The following ZSCAN25 variants were observed in gnomAD, a reference collection of about 807,000 sequenced individuals.
ZSCAN25 encodes zinc finger and SCAN domain-containing protein 25.
A neutral mutation model predicts 38.7 loss-of-function variants in ZSCAN25; 27 were observed. The ratio of observed to expected loss-of-function variants is 0.70; its 90% confidence interval spans 0.51 to 0.96. ZSCAN25 has a LOEUF of 0.96. Among genes scored for constraint, ZSCAN25 ranks in the 40% least tolerant of loss-of-function variants. The pLI is 0.00. For missense variants in ZSCAN25, 637 were observed against 705.9 expected (o/e 0.90, Z 1.11); for synonymous variants, 273 against 277.7 (o/e 0.98, Z 0.17).
chr7:99,734,041 T>G, the ZSCAN25 span, among the ~76,000 whole-genome samples: 3 of 152,244 alleles, frequency 2.0e-5, no homozygotes, highest in South Asian at 6.2e-4. Flanking sequence ...CTTTTATCAC[T>G]CAGAAGGAAC....
the ZSCAN25 span, among the ~76,000 whole-genome samples, chr7:99,716,830 A>G: frequency 8.5e-5 from 13 of 152,280 alleles, no homozygotes; most frequent in African/African-American, 3.1e-4. Context: ...AACAGATACC[A>G]AGTGCCTTCC....
the ZSCAN25 span, among the ~76,000 whole-genome samples, chr7:99,703,775 A>G: frequency 4.6e-5 from 7 of 151,968 alleles, no homozygotes; most frequent in Non-Finnish European, 8.8e-5. Flanking sequence ...TGCCCTCCTG[A>G]CCTCACATGG....
chr7:99,722,169 C>A, the ZSCAN25 span: 716 of 1,175,666 alleles, frequency 6.1e-4, 4 homozygotes, highest in African/African-American at 0.01. Flanking sequence ...CAGAAAACCT[C>A]TCTGTTTGTA....
the ZSCAN25 span, among the ~76,000 whole-genome samples, chr7:99,692,568 A>T: frequency 6.6e-6 from 1 of 152,046 alleles, no homozygotes; most frequent in Non-Finnish European, 1.5e-5. Context: ...ACATAGTCCC[A>T]TATTTCTTGG....
At chr7:99,680,067 C>A in the ZSCAN25 span, 6 of 624,612 alleles carry the variant, frequency 9.6e-6, no homozygotes, top group African/African-American at 1.1e-4. Flanking sequence ...CAGCCAATAG[C>A]AAAGAATCGC....
chr7:99,674,594 G>A, the ZSCAN25 span: 1 of 1,610,944 alleles, frequency 6.2e-7, no homozygotes, highest in Admixed American at 1.7e-5. Flanking sequence ...CCCTGGGAGA[G>A]GAAACAAAAT....
chr7:99,671,117 TTG>T, the ZSCAN25 span: 41,710 of 141,332 alleles, frequency 0.3, 6,570 homozygotes, highest in East Asian at 0.48. Context: ...CACAGACCAT[TTG>T]TGTGTGTGTG....
chr7:99,626,575 G>A (rs529715171), intron 7 of ZSCAN25, among the ~76,000 whole-genome samples: 5 of 152,270 alleles, frequency 3.3e-5, no homozygotes, highest in Middle Eastern at 6.8e-3. Flanking sequence ...AGGAGTCTAC[G>A]TCTTAGGATC....
chr7:99,695,949 A>T, the ZSCAN25 span: 1 of 825,726 alleles, frequency 1.2e-6, no homozygotes, highest in South Asian at 1.6e-5. Context: ...AGGTAACATT[A>T]AGGCAATAAA....
the ZSCAN25 span, among the ~76,000 whole-genome samples, chr7:99,736,557 C>T: frequency 6.6e-6 from 1 of 152,114 alleles, no homozygotes; most frequent in Non-Finnish European, 1.5e-5. Context: ...ATCACTCACA[C>T]CCAAGTTCTG....
At chr7:99,736,110 C>A in the ZSCAN25 span, among the ~76,000 whole-genome samples, 3 of 152,182 alleles carry the variant, frequency 2.0e-5, no homozygotes, top group Non-Finnish European at 4.4e-5. Context: ...GTGCTTCTTC[C>A]TCTGTAGCTT....
chr7:99,694,128 C>G, the ZSCAN25 span, among the ~76,000 whole-genome samples: 64 of 152,284 alleles, frequency 4.2e-4, no homozygotes, highest in African/African-American at 1.4e-3. Context: ...CATGTATTGT[C>G]TCTAAAATCT....
chr7:99,707,723 TTAAG>T, the ZSCAN25 span: 3 of 1,567,076 alleles, frequency 1.9e-6, no homozygotes, highest in South Asian at 2.3e-5. Context: ...TATTAAAAGA[TTAAG>T]TGAGTGTATT....
the ZSCAN25 span, chr7:99,715,714 T>C: frequency 6.2e-7 from 1 of 1,613,054 alleles, no homozygotes; most frequent in African/African-American, 1.3e-5. Context: ...AAAGCAGTTA[T>C]TTTTAAGAGA....
the ZSCAN25 span, chr7:99,699,838 T>C: frequency 1.5e-6 from 1 of 657,680 alleles, no homozygotes; most frequent in South Asian, 1.6e-5. Flanking sequence ...TATGTGTTTG[T>C]AGCATCCAAG....
In ZSCAN25 at chr7:99,629,267, G is replaced by C; in HGVS notation, c.882G>C (p.Glu294Asp). 1 of 1,614,172 alleles carries C rather than the reference G, an allele frequency of 6.2e-7. No homozygotes were observed. Among genetic ancestry groups the C allele is most frequent in the Non-Finnish European group, 8.5e-7 (1 of 1,180,000 alleles). Reference protein sequence around the residue: ...LKGALVALTSERFGEASLQGP... With the variant: ...LKGALVALTSDRFGEASLQGP... ...GGGCGCTGGTGGCACTGACATCAGA[G>C]AGGTTTGGGGAAGCCTCTCTCCAGG... Residue 294 changes from glutamate (E) to aspartate (D), a missense_variant, in exon 8 of 8, where the codon GAG (glutamate) becomes GAC (aspartate). Glu to Asp is a conservative substitution (Grantham distance 45, BLOSUM62 2). Transcript: ENST00000394152. This position sits in a 1 kb window ranked among gnomAD's most constrained non-coding sequence, Gnocchi z 5.6.
the ZSCAN25 span, among the ~76,000 whole-genome samples, chr7:99,678,481 C>T: frequency 4.6e-5 from 7 of 152,104 alleles, no homozygotes; most frequent in East Asian, 1.9e-4. Flanking sequence ...AATAAATGGC[C>T]GGACAGGTAT....
chr7:99,685,435 A>G, the ZSCAN25 span, among the ~76,000 whole-genome samples: 1 of 152,240 alleles, frequency 6.6e-6, no homozygotes, highest in Non-Finnish European at 1.5e-5. Context: ...CAGTTTTGAA[A>G]TAATTCTCCT....
At chr7:99,711,416 C>T in the ZSCAN25 span, among the ~76,000 whole-genome samples, 4 of 152,152 alleles carry the variant, frequency 2.6e-5, no homozygotes, top group Non-Finnish European at 5.9e-5. Flanking sequence ...TATTGGAATA[C>T]AGACCACCTC....
Sources: gnomAD v4.1 joint callset for allele counts (sites outside exome capture counted in the v4.1 genomes callset) on GRCh38, gnomAD v4.1.1 for gene constraint, Gnocchi (gnomAD v3.1) non-coding constraint, MANE v1.5 for transcripts, NCBI Gene and HGNC (gene_info 2026-07-23, HGNC 2026-07-21) for gene names.